Variants in CDH13 observed in about 807,000 individuals in gnomAD.
CDH13 encodes cadherin-13.
A neutral mutation model predicts 63.8 loss-of-function variants in CDH13; 24 were observed. That is an observed-to-expected ratio of 0.38 (90% CI 0.27 to 0.53). The LOEUF (loss-of-function observed/expected upper bound fraction) is 0.53. CDH13 is among the 20% of genes least tolerant of loss of function. The pLI, the probability that CDH13 is intolerant of heterozygous loss-of-function variation, is 0.85. For missense variants in CDH13, 1,049 were observed against 903.1 expected (o/e 1.16, Z -2.07); for synonymous variants, 503 against 355.3 (o/e 1.42, Z -4.67).
chr16:83,570,821 TATAA>T (rs910607221), intron 7 of CDH13, among the ~76,000 whole-genome samples: 1 of 121,536 alleles, frequency 8.2e-6, no homozygotes, highest in African/African-American at 2.7e-5. Context: ...TATTTATAAA[TATAA>T]ATAAAAATTT....
chr16:83,576,831 A>G (rs1905117063), intron 7 of CDH13, among the ~76,000 whole-genome samples: 1 of 152,164 alleles, frequency 6.6e-6, no homozygotes, highest in Non-Finnish European at 1.5e-5. Flanking sequence ...TGATTCAAGT[A>G]TTTTGCCTAC....
At position 83,265,110 on chromosome 16, in the gene CDH13, A is replaced by G. The variant is rs75451219; in HGVS notation, c.636+47613A>G. ...GTGAGATACTTGTCAATGTCTTTAA[A>G]TGTCTCAAGTCGTCTGTTTGTTTGT... On this transcript the variant is annotated intron_variant, in intron 5 of 13. Transcript: ENST00000567109. 6.6e-4 allele frequency among the ~76,000 whole-genome samples: 100 copies of G among 152,306 alleles called. 1 individual carries two copies. In the East Asian group the frequency reaches 0.019, roughly 29 times the overall value.
intron 7 of CDH13, among the ~76,000 whole-genome samples, chr16:83,492,888 T>A (rs6563916): frequency 0.99 from 151,236 of 152,340 alleles, 75,083 homozygotes; most frequent in Middle Eastern, 1. Context: ...CCATCCCTCT[T>A]AGTGTGACCT....
At chr16:82,972,668 A>T (rs984980067) in intron 2 of CDH13, among the ~76,000 whole-genome samples, 7 of 152,188 alleles carry the variant, frequency 4.6e-5, no homozygotes, top group Admixed American at 2.6e-4. Context: ...TTTAACACAT[A>T]GTAGCTGTTT....
At chr16:83,423,354 G>A (rs1313198319) in intron 6 of CDH13, among the ~76,000 whole-genome samples, 1 of 152,060 alleles carries the variant, frequency 6.6e-6, no homozygotes, top group Non-Finnish European at 1.5e-5. Context: ...AAGAAAAAAA[G>A]CCTAAAGCCA....
At chr16:83,681,537 C>T (rs968077919) in intron 10 of CDH13, among the ~76,000 whole-genome samples, 1 of 152,166 alleles carries the variant, frequency 6.6e-6, no homozygotes, top group African/African-American at 2.4e-5. Flanking sequence ...ACTGGCTGGA[C>T]ACCCCCTTTC....
At chr16:82,940,249 G>A (rs562123742) in intron 2 of CDH13, among the ~76,000 whole-genome samples, 1 of 152,242 alleles carries the variant, frequency 6.6e-6, no homozygotes, top group African/African-American at 2.4e-5. Context: ...ATAAATCCTG[G>A]TTCCGTCACT....
chr16:83,385,830 G>T (rs1433323256), intron 6 of CDH13, among the ~76,000 whole-genome samples: 1 of 152,130 alleles, frequency 6.6e-6, no homozygotes, highest in African/African-American at 2.4e-5. Context: ...TCCTTTTGGG[G>T]CTGAGAAAAT....
intron 6 of CDH13, among the ~76,000 whole-genome samples, chr16:83,400,531 G>T (rs555016518): frequency 3.9e-5 from 6 of 152,324 alleles, no homozygotes; most frequent in Admixed American, 2.6e-4. Flanking sequence ...TCTCCCCAAT[G>T]CTTTCAAGAC....
intron 7 of CDH13, among the ~76,000 whole-genome samples, chr16:83,556,857 C>T (rs1363355332): frequency 2.0e-5 from 3 of 152,202 alleles, no homozygotes; most frequent in Non-Finnish European, 2.9e-5. Flanking sequence ...GCAAAGGAAA[C>T]GTTGAAGCGC....
chr16:83,290,788 G>T (rs538789646), intron 5 of CDH13, among the ~76,000 whole-genome samples: 8 of 152,090 alleles, frequency 5.3e-5, no homozygotes, highest in East Asian at 1.9e-4. Context: ...GTCCATGCAC[G>T]TGCACTTTTT....
chr16:82,842,096 AT>A (rs1567590197), intron 1 of CDH13, among the ~76,000 whole-genome samples: 1 of 39,024 alleles, frequency 2.6e-5, no homozygotes, highest in African/African-American at 9.6e-5. Context: ...TTCTACATAT[AT>A]ATATATATAT....
intron 1 of CDH13, among the ~76,000 whole-genome samples, chr16:82,778,880 A>C (rs552166806): frequency 1.3e-5 from 2 of 152,322 alleles, no homozygotes; most frequent in East Asian, 3.9e-4. Flanking sequence ...TAGGAACTGA[A>C]GTATCCTTGG....
chr16:83,197,089 T>C (rs1484820053), intron 4 of CDH13, among the ~76,000 whole-genome samples: 1 of 152,212 alleles, frequency 6.6e-6, no homozygotes, highest in African/African-American at 2.4e-5. Context: ...ATTCATATCA[T>C]GAAATATGGC....
intron 6 of CDH13, among the ~76,000 whole-genome samples, chr16:83,472,616 G>A (rs550341108): frequency 6.6e-6 from 1 of 152,308 alleles, no homozygotes; most frequent in East Asian, 1.9e-4. Flanking sequence ...GGGAGCAGGT[G>A]CCTTTGGTCT....
At chr16:83,559,965 G>A (rs1022444310) in intron 7 of CDH13, among the ~76,000 whole-genome samples, 4 of 152,080 alleles carry the variant, frequency 2.6e-5, no homozygotes, top group Admixed American at 1.3e-4. Flanking sequence ...TTATTCACAC[G>A]ATGGAGGCCT....
intron 3 of CDH13, among the ~76,000 whole-genome samples, chr16:83,091,550 C>A (rs902042318): frequency 6.6e-6 from 1 of 152,180 alleles, no homozygotes; most frequent in Non-Finnish European, 1.5e-5. Flanking sequence ...GAAATGAGCT[C>A]CAGCTGGAGA....
chr16:82,744,535 T>C (rs12597876), intron 1 of CDH13, among the ~76,000 whole-genome samples: 88,013 of 151,844 alleles, frequency 0.58, 26,305 homozygotes, highest in South Asian at 0.68. Flanking sequence ...CATAAATCTC[T>C]GGGCTGGCTT....
intron 8 of CDH13, among the ~76,000 whole-genome samples, chr16:83,663,279 G>A (rs1045960715): frequency 2.6e-5 from 4 of 152,158 alleles, no homozygotes; most frequent in Non-Finnish European, 5.9e-5. Context: ...GGGACTGGGG[G>A]TAGGTTTAGG....
Sources: gnomAD v4.1 joint callset for allele counts (sites outside exome capture counted in the v4.1 genomes callset) on GRCh38, gnomAD v4.1.1 for gene constraint, MANE v1.5 for transcripts, NCBI Gene and HGNC (gene_info 2026-07-23, HGNC 2026-07-21) for gene names.